The following RNPEPL1 variants were observed in gnomAD, a reference collection of about 807,000 sequenced individuals.
RNPEPL1 encodes arginyl aminopeptidase like 1.
A neutral mutation model predicts 69.0 loss-of-function variants in RNPEPL1; 46 were observed. That is an observed-to-expected ratio of 0.67 (90% CI 0.53 to 0.85). RNPEPL1 has a LOEUF of 0.85. Among genes scored for constraint, RNPEPL1 ranks in the 40% least tolerant of loss-of-function variants. RNPEPL1 has a pLI of 0.00. For missense variants in RNPEPL1, 869 were observed against 992.5 expected, an observed-to-expected ratio of 0.88 and a Z score of 1.67; for synonymous variants, 525 against 454.1, an observed-to-expected ratio of 1.16 and a Z score of -1.98.
chr2:240,576,825 C>G, intron 9 of RNPEPL1, 23 bp from the exon 10 acceptor site: 1 of 1,612,886 alleles, frequency 6.2e-7, no homozygotes, highest in African/African-American at 1.3e-5. Context: ...CGGCCCAGCC[C>G]TGACCTGCCC....
At position 240,568,633 on chromosome 2, in the gene RNPEPL1, C is replaced by CCT; in HGVS notation, c.47_48insCT (p.Pro17CysfsTer169). ...CGCCAGGCGCCCGGCGCCGAGGCCG[C>CCT]GCCCGTCCGCCCGCCGCCCGAGCCG... On this transcript the variant is annotated frameshift_variant, in exon 1 of 11. Coordinates refer to ENST00000270357, the MANE Select transcript of RNPEPL1 (RefSeq NM_018226.6). LOFTEE classifies it high-confidence loss of function. The surrounding 1 kb of genome is among the most constrained non-coding windows in gnomAD (Gnocchi z 6.2). 1.0e-6 allele frequency: 1 copy of CCT among 1,001,648 alleles called. No homozygotes were observed. Among genetic ancestry groups the CCT allele is most frequent in the Non-Finnish European group, 1.2e-6 (1 of 843,624 alleles). 62.0% of individuals were successfully genotyped at this position (1,001,648 alleles called of 1,614,324 possible). A position where few individuals can be genotyped will look rare whatever the true frequency, so the allele number is the denominator to read the frequency against.
In RNPEPL1 at chr2:240,576,604, C is replaced by A. The variant is rs1353750675; in HGVS notation, c.1580C>A (p.Ser527Tyr). The change falls in exon 9 of 11, where the codon TCC becomes TAC. Residue 527 changes from serine to tyrosine, a missense_variant. Transcript: ENST00000270357. ...PLAEPDLSQG[S>Y]SLTRPVEALF... ...GCTGAGCCGGACCTGTCTCAGGGAT[C>A]CAGCCTGACCCGGCCCGTGGAGGCC... 6.2e-7 allele frequency: 1 copy of A among 1,613,042 alleles called. No individual in the cohort carries two copies. Among genetic ancestry groups the A allele is most frequent in the Non-Finnish European group, 8.5e-7 (1 of 1,180,004 alleles).
Position 240,579,887 on chromosome 2 carries a change from G to T in RNPEPL1, c.*1995G>T, listed in dbSNP as rs1051098610. ...AATTCAGCTCTCGAAATGACTCTGT[G>T]GTCTGCGGGTGACTCCACTCCACGT... On this transcript the variant is annotated 3_prime_UTR_variant, in exon 11 of 11. Coordinates refer to ENST00000270357, the MANE Select transcript of RNPEPL1 (RefSeq NM_018226.6). 6.6e-6 allele frequency: 1 copy of T among 152,228 alleles called. No homozygotes were observed. The highest frequency in any genetic ancestry group is 2.4e-5 in the African/African-American group (1 of 41,446). The allele number at this position is 152,228 out of a possible 1,614,324, so 9.4% of individuals were successfully genotyped here. A position where few individuals can be genotyped will look rare whatever the true frequency, so the allele number is the denominator to read the frequency against.
chr2:240,572,272 A>C, intron 1 of RNPEPL1, 151 bp from the exon 2 acceptor site: 1 of 864,614 alleles, frequency 1.2e-6, no homozygotes, highest in Non-Finnish European at 1.7e-6. Context: ...AGTGAAGGCT[A>C]AGGGGTGGCT....
At position 240,574,361 on chromosome 2, in the gene RNPEPL1, C is replaced by T; in HGVS notation, c.1174+13C>T. On this transcript the variant is annotated intron_variant, in intron 5 of 10. Coordinates refer to ENST00000270357, the MANE Select transcript of RNPEPL1 (RefSeq NM_018226.6). ...ACCGAGACCTACGGTGCGGCCAGGG[C>T]CGGGGAGGGCAGCCACGGGGGGCCC... 8 of 1,591,460 alleles carry T rather than the reference C, an allele frequency of 5.0e-6. No homozygotes were observed. Among genetic ancestry groups the T allele is most frequent in the Non-Finnish European group, 6.8e-6 (8 of 1,172,562 alleles).
chr2:240,570,152 T>TG (rs2093017000), intron 1 of RNPEPL1, among the ~76,000 whole-genome samples: 1 of 152,236 alleles, frequency 6.6e-6, no homozygotes, highest in Admixed American at 6.5e-5. Flanking sequence ...AACTGAGGGA[T>TG]GGGCTTCTCC....
rs754783989 is a variant in RNPEPL1, at chr2:240,574,119, C to T, written c.945C>T (p.Asp315=). 5.0e-6 allele frequency: 8 copies of T among 1,612,788 alleles called. 1 individual carries two copies. In the South Asian group the frequency reaches 8.8e-5, roughly 18 times the overall value. The change falls in exon 5 of 11, where the codon GAC becomes GAT. Residue 315 remains aspartate (D), a synonymous_variant. Coordinates refer to ENST00000270357, the MANE Select transcript of RNPEPL1 (RefSeq NM_018226.6). ...LYGPYMWGRY[D]IVFLPPSFPI... ...CACCGCCCTCCCGGTGCAGGTACGA[C>T]ATTGTCTTCCTGCCACCCTCCTTCC...
In RNPEPL1 at chr2:240,575,068, G is replaced by A. The variant is rs758335842; in HGVS notation, c.1327G>A (p.Glu443Lys). ...CCACCTGATGAACCTGTTCACCTAC[G>A]AGAAGGGCTACTGCTTCGTGTACTA... ...PSHLMNLFTY[E>K]KGYCFVYYLS... Residue 443 changes from glutamate (E) to lysine (K), a missense_variant, in exon 7 of 11, where the codon GAG becomes AAG. This residue lies in a region of RNPEPL1 where 610 missense variants were observed against 790.9 expected (regional missense o/e 0.77). Coordinates refer to ENST00000270357, the MANE Select transcript of RNPEPL1 (RefSeq NM_018226.6). The A allele has an allele frequency of 5.6e-6, 9 of 1,613,712 alleles. No homozygotes were observed. Among genetic ancestry groups the A allele is most frequent in the South Asian group, 2.2e-5 (2 of 91,088 alleles).
intron 2 of RNPEPL1, 101 bp from the exon 3 acceptor site, chr2:240,573,009 G>A (rs910857541): frequency 7.4e-6 from 10 of 1,344,242 alleles, no homozygotes; most frequent in African/African-American, 4.4e-5. Flanking sequence ...GGGATGTAGG[G>A]TTTCCTGCTA....
chr2:240,573,635 G>C, intron 3 of RNPEPL1, 140 bp from the exon 4 acceptor site: 1 of 717,392 alleles, frequency 1.4e-6, no homozygotes, highest in South Asian at 1.9e-5. Flanking sequence ...CAGTGAGGCA[G>C]GGCGGGCTGT....
rs369311190 is a variant in RNPEPL1, at chr2:240,576,862, C to T, written c.1756C>T (p.Leu586=). The T allele has an allele frequency of 4.5e-5, 73 of 1,613,044 alleles. No homozygotes were observed. Among genetic ancestry groups the T allele is most frequent in the Non-Finnish European group, 6.0e-5 (71 of 1,179,972 alleles). ...CTGCGCTGCAGAGGTGGTGATGAGC[C>T]TGTCCAAGTGCTACTCCTCCCTGCT... ...SPLPQEVVMS[L]SKCYSSLLDS... is the part of the protein sequence containing the mutation. The change falls in exon 10 of 11, where the codon CTG becomes TTG. Residue 586 remains leucine, a synonymous_variant. Coordinates refer to ENST00000270357, the MANE Select transcript of RNPEPL1 (RefSeq NM_018226.6).
rs767217987 is a variant in RNPEPL1 at position 240,572,560 on chromosome 2, C to T, written c.666C>T (p.Val222=). Residue 222 remains valine, a synonymous_variant, in exon 2 of 11, where the codon GTC becomes GTT. Transcript: ENST00000270357. ...PAVKCTYSAV[V]KAPSGVQVLM... is the part of the protein sequence containing the mutation. The stretch of plus-strand genomic sequence containing the variant: ...TGAAGTGCACCTACTCTGCCGTCGT[C>T]AAGGTCAGGGGCCGCCAGCTGCCGT... 4.2e-5 allele frequency: 64 copies of T among 1,536,144 alleles called. No homozygotes were observed. The highest frequency in any genetic ancestry group is 4.0e-4 in the South Asian group (34 of 84,056).
intron 1 of RNPEPL1, 78 bp downstream of exon 1, chr2:240,569,192 T>G (rs1256065768): frequency 7.4e-7 from 1 of 1,347,996 alleles, no homozygotes; most frequent in Non-Finnish European, 9.5e-7. Context: ...ACGGCCAGGC[T>G]GAGGGACGCG....
intron 8 of RNPEPL1, 29 bp downstream of exon 8, chr2:240,575,639 G>C (rs2093035467): frequency 6.3e-7 from 1 of 1,581,560 alleles, no homozygotes; most frequent in East Asian, 2.2e-5. Flanking sequence ...CCTGCAGCCA[G>C]GGAGCCGTGG....
intron 1 of RNPEPL1, among the ~76,000 whole-genome samples, chr2:240,571,100 C>T (rs73108015): frequency 4.6e-5 from 7 of 152,102 alleles, no homozygotes; most frequent in Admixed American, 6.5e-5. Flanking sequence ...CCAGCCCCCC[C>T]CAAGGGGGAG....
rs759775305 is a variant in RNPEPL1, at chr2:240,575,141, G to C, written c.1400G>C (p.Arg467Pro). Reference sequence around the variant, plus strand: ...CCACAGCGCTTTGATGACTTTCTCCGAGTGAGCAGCCCCCTGCCCGGGACG... The same window carrying C: ...CCACAGCGCTTTGATGACTTTCTCCCAGTGAGCAGCCCCCTGCCCGGGACG... ...GDPQRFDDFL[R>P]AYVEKYKFTS... The change falls in exon 7 of 11, where the codon CGA (arginine) becomes CCA (proline). Residue 467 changes from arginine to proline, a missense_variant and splice_region_variant. Physicochemically the swap from Arg to Pro is moderately radical, Grantham distance 103. Coordinates refer to ENST00000270357, the MANE Select transcript of RNPEPL1 (RefSeq NM_018226.6). The C allele has an allele frequency of 6.2e-7, 1 of 1,611,632 alleles. No individual in the cohort carries two copies. Among genetic ancestry groups the C allele is most frequent in the Non-Finnish European group, 8.5e-7 (1 of 1,178,398 alleles).
Position 240,573,111 on chromosome 2 carries a change from C to T in RNPEPL1, c.671C>T (p.Ala224Val), listed in dbSNP as rs772858734. The change falls in exon 3 of 11, where the codon GCG becomes GTG. Residue 224 changes from alanine (A) to valine (V), a missense_variant and splice_region_variant. Transcript: ENST00000270357. ...GGTCTCAGTCCGGCCTCCTTACAGG[C>T]GCCATCGGGGGTGCAGGTGCTGATG... ...VKCTYSAVVK[A>V]PSGVQVLMSA... The T allele has an allele frequency of 2.9e-5, 47 of 1,602,108 alleles. No individual in the cohort carries two copies. The highest frequency in any genetic ancestry group is 3.3e-4 in the Middle Eastern group (2 of 6,046).
chr2:240,572,113 CCT>C (rs2093023335), intron 1 of RNPEPL1, among the ~76,000 whole-genome samples: 1 of 152,266 alleles, frequency 6.6e-6, no homozygotes, highest in Admixed American at 6.5e-5. Flanking sequence ...TGGGCTATTC[CCT>C]TTTTTCGCCT....
In RNPEPL1 at chr2:240,568,866, CCCGCCG is replaced by C; in HGVS notation, c.290_295del (p.Ala97_Ala98del). ...GCACTCAGCCGCCTTCCGTCGCGCCCCCGCCGCCGCCGCCGAGACGCCCTGCGCCTT... is the reference window on the plus strand; with the variant it reads ...GCACTCAGCCGCCTTCCGTCGCGCCCCCGCCGCCGAGACGCCCTGCGCCTT... On this transcript the variant is annotated inframe_deletion, in exon 1 of 11. Coordinates refer to ENST00000270357, the MANE Select transcript of RNPEPL1 (RefSeq NM_018226.6). The surrounding 1 kb of genome is among the most constrained non-coding windows in gnomAD (Gnocchi z 6.2). 1.7e-6 allele frequency: 2 copies of C among 1,208,108 alleles called. No homozygotes were observed. Among genetic ancestry groups the C allele is most frequent in the South Asian group, 2.5e-5 (1 of 40,634 alleles). 74.8% of individuals were successfully genotyped at this position (1,208,108 alleles called of 1,614,324 possible).
Sources: allele counts gnomAD v4.1 joint callset (sites outside exome capture counted in the v4.1 genomes callset), GRCh38; gene constraint gnomAD v4.1.1; regional missense constraint gnomAD v4.1.1; non-coding constraint Gnocchi (gnomAD v3.1); transcripts MANE v1.5; gene names NCBI Gene and HGNC (gene_info 2026-07-23, HGNC 2026-07-21).